Variants in GALR2 observed in about 807,000 individuals in gnomAD.
The protein encoded by GALR2 is galanin receptor type 2.
A neutral mutation model predicts 7.2 loss-of-function variants in GALR2; 5 were observed. The observed-to-expected ratio is 0.69, with a 90% CI of 0.36 to 1.45. The LOEUF is 1.45. GALR2 is among the 40% of genes most tolerant of loss of function. The probability of loss-of-function intolerance (pLI) is 0.03; values close to 1 mark genes in which losing one functional copy is unlikely to be tolerated. For synonymous variants in GALR2, 300 were observed against 263.9 expected (o/e 1.14, Z -1.32); for missense variants, 561 against 555.7 (o/e 1.01, Z -0.10).
Position 76,077,446 on chromosome 17 carries a change from C to A in GALR2, c.*15C>A, listed in dbSNP as rs769344371. The A allele has an allele frequency of 2.1e-6, 3 of 1,441,546 alleles. No homozygotes were observed. The highest frequency in any genetic ancestry group is 2.8e-5 in the Admixed American group (1 of 35,320). The allele number at this position is 1,441,546 out of a possible 1,614,324, so 89.3% of individuals were successfully genotyped here. A position where few individuals can be genotyped will look rare whatever the true frequency, so the allele number is the denominator to read the frequency against. On this transcript the variant is annotated 3_prime_UTR_variant, in exon 2 of 2. Coordinates refer to ENST00000329003, the MANE Select transcript of GALR2 (RefSeq NM_003857.4). ...ATGTGGCCTGAAAGCACTTAGCGGG[C>A]GCGCTGGGATGTCACAGAGTTGGAG...
chr17:76,072,055 G>C, upstream of GALR2: 2 of 646,288 alleles, frequency 3.1e-6, no homozygotes, highest in Non-Finnish European at 5.0e-6. The surrounding 1 kb of genome is among the most constrained non-coding windows in gnomAD (Gnocchi z 4.5). Flanking sequence ...CGGGGCACCA[G>C]GGGAAACCTG....
Position 76,074,895 on chromosome 17 carries a change from G to C in GALR2, c.12G>C (p.Ser4=). MNV[S]GCPGAGNASQ... is the part of the protein sequence containing the mutation. ...GGGTCAGCGGCACCATGAACGTCTCGGGCTGCCCAGGGGCCGGGAACGCGA... is the reference window on the plus strand; with the variant it reads ...GGGTCAGCGGCACCATGAACGTCTCCGGCTGCCCAGGGGCCGGGAACGCGA... Residue 4 remains serine, a synonymous_variant, in exon 1 of 2, where the codon TCG becomes TCC. Transcript: ENST00000329003. This position sits in a 1 kb window ranked among gnomAD's most constrained non-coding sequence, Gnocchi z 6.7. 1.3e-6 allele frequency: 2 copies of C among 1,529,286 alleles called. No homozygotes were observed. Among genetic ancestry groups the C allele is most frequent in the Non-Finnish European group, 1.7e-6 (2 of 1,144,412 alleles). The allele number at this position is 1,529,286 out of a possible 1,614,324, so 94.7% of individuals were successfully genotyped here.
upstream of GALR2, among the ~76,000 whole-genome samples, chr17:76,074,327 C>T (rs934239111): frequency 1.3e-5 from 2 of 152,222 alleles, no homozygotes; most frequent in African/African-American, 2.4e-5. The surrounding 1 kb of genome is among the most constrained non-coding windows in gnomAD (Gnocchi z 6.7). Flanking sequence ...CCTCATCCGC[C>T]TCCGCCCCGC....
At position 76,077,406 on chromosome 17, in the gene GALR2, G is replaced by C. The variant is rs984991461; in HGVS notation, c.1139G>C (p.Ser380Thr). Reference protein sequence around the residue: ...PSWQGPKAGDSILTVDVA With the variant: ...PSWQGPKAGDTILTVDVA Reference sequence around the variant, plus strand: ...TGGCAGGGCCCAAAGGCAGGCGACAGCATCCTGACGGTTGATGTGGCCTGA... The same window carrying C: ...TGGCAGGGCCCAAAGGCAGGCGACACCATCCTGACGGTTGATGTGGCCTGA... The change falls in exon 2 of 2, where the codon AGC becomes ACC. Residue 380 changes from serine to threonine, a missense_variant. Coordinates refer to ENST00000329003, the MANE Select transcript of GALR2 (RefSeq NM_003857.4). The C allele has an allele frequency of 9.6e-6, 14 of 1,458,436 alleles. No homozygotes were observed. The Admixed American group carries it at 2.9e-4, about 30-fold the overall frequency. 90.3% of individuals were successfully genotyped at this position (1,458,436 alleles called of 1,614,324 possible).
upstream of GALR2, chr17:76,072,753 TCCCA>T: frequency 1.7e-6 from 1 of 601,606 alleles, no homozygotes; most frequent in Non-Finnish European, 2.7e-6. The surrounding 1 kb of genome is among the most constrained non-coding windows in gnomAD (Gnocchi z 4.5). Context: ...CAGTCCCACC[TCCCA>T]CCCACTAAGG....
chr17:76,073,180 C>A (rs1288474099), upstream of GALR2, among the ~76,000 whole-genome samples: 1 of 152,122 alleles, frequency 6.6e-6, no homozygotes, highest in Non-Finnish European at 1.5e-5. Flanking sequence ...ATCCCCGCTC[C>A]GTCATTAGCG....
Position 76,077,158 on chromosome 17 carries a change from G to A in GALR2, c.891G>A (p.Lys297=), listed in dbSNP as rs1299030095. The A allele has an allele frequency of 6.2e-7, 1 of 1,612,460 alleles. No individual in the cohort carries two copies. The highest frequency in any genetic ancestry group is 1.7e-5 in the Admixed American group (1 of 59,988). ...VNPIVYALVS[K]HFRKGFRTIC... is the part of the protein sequence containing the mutation. The stretch of plus-strand genomic sequence containing the variant: ...CCATCGTTTACGCGCTGGTCTCCAA[G>A]CACTTCCGCAAAGGCTTCCGCACGA... Residue 297 remains lysine, a synonymous_variant, in exon 2 of 2, where the codon AAG becomes AAA. Coordinates refer to ENST00000329003, the MANE Select transcript of GALR2 (RefSeq NM_003857.4).
At position 76,076,664 on chromosome 17, in the gene GALR2, T is replaced by G; in HGVS notation, c.397T>G (p.Ser133Ala). The G allele has an allele frequency of 1.3e-6, 2 of 1,594,294 alleles. No homozygotes were observed. The highest frequency in any genetic ancestry group is 1.7e-6 in the Non-Finnish European group (2 of 1,175,222). Residue 133 changes from serine (S) to alanine (A), a missense_variant, in exon 2 of 2, where the codon TCC becomes GCC. Ser to Ala is a moderately conservative substitution (Grantham distance 99). Coordinates refer to ENST00000329003, the MANE Select transcript of GALR2 (RefSeq NM_003857.4). This position sits in a 1 kb window ranked among gnomAD's most constrained non-coding sequence, Gnocchi z 6.5. The stretch of plus-strand genomic sequence containing the variant: ...TCTGGCCATCCGCTACCCGCTGCAC[T>G]CCCGCGAGCTGCGCACGCCTCGAAA... ...RYLAIRYPLH[S>A]RELRTPRNAL...
chr17:76,074,965 G>T lies in GALR2; in HGVS notation c.82G>T (p.Val28Leu). The T allele has an allele frequency of 6.3e-7, 1 of 1,593,258 alleles. No individual in the cohort carries two copies. The highest frequency in any genetic ancestry group is 8.5e-7 in the Non-Finnish European group (1 of 1,175,878). ...GGGWHPEAVIVPLLFALIFLV... is the reference protein window; with the variant it reads ...GGGWHPEAVILPLLFALIFLV... ...AGGCTGGCACCCCGAGGCGGTCATC[G>T]TGCCCCTGCTCTTCGCGCTCATCTT... The change falls in exon 1 of 2, where the codon GTG becomes TTG. Residue 28 changes from valine (V) to leucine (L), a missense_variant. Physicochemically the swap from Val to Leu is conservative, Grantham distance 32 (BLOSUM62 1). Coordinates refer to ENST00000329003, the MANE Select transcript of GALR2 (RefSeq NM_003857.4). This position sits in a 1 kb window ranked among gnomAD's most constrained non-coding sequence, Gnocchi z 6.7.
In GALR2 at chr17:76,076,622, C is replaced by G. The variant is rs751603857; in HGVS notation, c.369-14C>G. 25 of 1,550,852 alleles carry G rather than the reference C, an allele frequency of 1.6e-5. No homozygotes were observed. The highest frequency in any genetic ancestry group is 1.2e-4 in the African/African-American group (9 of 73,974). ...CCCGCTCAGCCGACGTCTCCCTTCC[C>G]GGTCTGACCGCAGGTATCTGGCCAT... On this transcript the variant is annotated splice_polypyrimidine_tract_variant and intron_variant, in intron 1 of 1. Coordinates refer to ENST00000329003, the MANE Select transcript of GALR2 (RefSeq NM_003857.4). The surrounding 1 kb of genome is among the most constrained non-coding windows in gnomAD (Gnocchi z 6.5).
In GALR2 at chr17:76,077,274, A is replaced by C. The variant is rs77852923; in HGVS notation, c.1007A>C (p.Glu336Ala). The C allele has an allele frequency of 1.7e-3, 2,683 of 1,601,246 alleles. 32 individuals are homozygous for C. The African/African-American group carries it at 0.033, about 19-fold the overall frequency. ...GGCACCCACAGTGGCAGCGTGTTGG[A>C]GCGCGAGTCCAGCGACCTGTTGCAC... ...ARGTHSGSVL[E>A]RESSDLLHMS... The change falls in exon 2 of 2, where the codon GAG (glutamate) becomes GCG (alanine). Residue 336 changes from glutamate to alanine, a missense_variant. By Grantham distance (107) the Glu-to-Ala change is moderately radical (BLOSUM62 -1). Coordinates refer to ENST00000329003, the MANE Select transcript of GALR2 (RefSeq NM_003857.4).
chr17:76,074,811 G>T lies in GALR2; in HGVS notation c.-73G>T. On this transcript the variant is annotated 5_prime_UTR_variant, in exon 1 of 2. Transcript: ENST00000329003. The surrounding 1 kb of genome is among the most constrained non-coding windows in gnomAD (Gnocchi z 6.7). ...CGCACTAGGAGTTGCAGCGGCCGCA[G>T]CCCCGGGAGCTTCCCGCTCGCGGAG... is the stretch of plus-strand genomic sequence containing the variant. The T allele has an allele frequency of 7.1e-7, 1 of 1,417,554 alleles. No homozygotes were observed. 87.8% of individuals were successfully genotyped at this position (1,417,554 alleles called of 1,614,324 possible).
At chr17:76,074,228 A>C (rs2144544312), upstream of GALR2, among the ~76,000 whole-genome samples, 1 of 152,294 alleles carries the variant, frequency 6.6e-6, no homozygotes, top group South Asian at 2.1e-4. The surrounding 1 kb of genome is among the most constrained non-coding windows in gnomAD (Gnocchi z 6.7). Flanking sequence ...AGGCAGGAGA[A>C]CCGTTTGAAC....
upstream of GALR2, chr17:76,072,506 G>A: frequency 6.3e-7 from 1 of 1,580,260 alleles, no homozygotes; most frequent in Non-Finnish European, 8.5e-7. This position sits in a 1 kb window ranked among gnomAD's most constrained non-coding sequence, Gnocchi z 4.5. Flanking sequence ...CCCCTGCGCC[G>A]CAGAGCAAGA....
chr17:76,076,971 C>G lies in GALR2; in HGVS notation c.704C>G (p.Thr235Arg), dbSNP rs199983830. 29 of 1,605,874 alleles carry G rather than the reference C, an allele frequency of 1.8e-5. No homozygotes were observed. In the Admixed American group the frequency reaches 1.8e-4, roughly 10 times the overall value. The stretch of plus-strand genomic sequence containing the variant: ...GCCCGGCGCGCCAAGCGCAAGGTGA[C>G]ACGCATGATCCTCATCGTGGCCGCG... ...SGARRAKRKV[T>R]RMILIVAALF... The change falls in exon 2 of 2, where the codon ACA becomes AGA. Residue 235 changes from threonine to arginine, a missense_variant. By Grantham distance (71) the Thr-to-Arg change is moderately conservative. Transcript: ENST00000329003. The surrounding 1 kb of genome is among the most constrained non-coding windows in gnomAD (Gnocchi z 6.5).
At chr17:76,072,588 G>T, upstream of GALR2, 1 of 1,484,474 alleles carries the variant, frequency 6.7e-7, no homozygotes, top group Non-Finnish European at 8.8e-7. The surrounding 1 kb of genome is among the most constrained non-coding windows in gnomAD (Gnocchi z 4.5). Context: ...TGGGATAGCG[G>T]CGGACTCCGC....
At chr17:76,072,458 C>CGCCACT (rs1411535610), upstream of GALR2, 5 of 1,583,174 alleles carry the variant, frequency 3.2e-6, no homozygotes, top group Non-Finnish European at 4.3e-6. The surrounding 1 kb of genome is among the most constrained non-coding windows in gnomAD (Gnocchi z 4.5). Context: ...CCGCCGCCGC[C>CGCCACT]GCCGCCGCCT....
At position 76,076,872 on chromosome 17, in the gene GALR2, T is replaced by A; in HGVS notation, c.605T>A (p.Val202Asp). Residue 202 changes from valine (V) to aspartate (D), a missense_variant, in exon 2 of 2, where the codon GTT (valine) becomes GAT (aspartate). Physicochemically the swap from Val to Asp is radical, Grantham distance 152. Transcript: ENST00000329003. The surrounding 1 kb of genome is among the most constrained non-coding windows in gnomAD (Gnocchi z 6.5). ...TTCAGCTACCTGCTTCCTGTGCTGG[T>A]TCTCGGCCTGACCTACGCGCGCACC... ...FVFSYLLPVLVLGLTYARTLR... is the reference protein window; with the variant it reads ...FVFSYLLPVLDLGLTYARTLR... The A allele has an allele frequency of 6.2e-7, 1 of 1,603,998 alleles. No homozygotes were observed. Among genetic ancestry groups the A allele is most frequent in the Non-Finnish European group, 8.5e-7 (1 of 1,179,366 alleles).
Position 76,076,546 on chromosome 17 carries a change from A to G in GALR2, c.369-90A>G, listed in dbSNP as rs2144548151. On this transcript the variant is annotated intron_variant, in intron 1 of 1. Transcript: ENST00000329003. This position sits in a 1 kb window ranked among gnomAD's most constrained non-coding sequence, Gnocchi z 6.5. The stretch of plus-strand genomic sequence containing the variant: ...CCATGCGCTAAGGACCTTCCTCGAG[A>G]GCAGCCTTGGGACCGAGGTGCAGGG... 1.2e-6 allele frequency: 1 copy of G among 804,636 alleles called. No homozygotes were observed. Among genetic ancestry groups the G allele is most frequent in the East Asian group, 2.6e-5 (1 of 38,000 alleles). 49.8% of individuals were successfully genotyped at this position (804,636 alleles called of 1,614,324 possible).
Sources: gnomAD v4.1 joint callset for allele counts (sites outside exome capture counted in the v4.1 genomes callset) on GRCh38, gnomAD v4.1.1 for gene constraint, Gnocchi (gnomAD v3.1) non-coding constraint, MANE v1.5 for transcripts, NCBI Gene and HGNC (gene_info 2026-07-23, HGNC 2026-07-21) for gene names.